The following CEP350 variants were observed in gnomAD, a reference collection of about 807,000 sequenced individuals.
CEP350 encodes centrosome-associated protein 350.
A neutral mutation model predicts 331.8 loss-of-function variants in CEP350; 126 were observed. The ratio of observed to expected loss-of-function variants is 0.38; its 90% CI spans 0.33 to 0.44. The LOEUF is 0.44. CEP350 is among the 20% of genes least tolerant of loss of function. CEP350 has a pLI of 1.00. For synonymous variants in CEP350, 1,200 were observed against 1,259.5 expected (o/e 0.95, Z 1.00); for missense variants, 3,406 against 3,634.6 (o/e 0.94, Z 1.62).
chr1:180,059,413 A>C (rs900574904), intron 25 of CEP350, among the ~76,000 whole-genome samples: 2 of 152,204 alleles, frequency 1.3e-5, no homozygotes, highest in African/African-American at 4.8e-5. Flanking sequence ...TCTTCATGCC[A>C]CTTACTTGCA....
chr1:180,050,806 T>A lies in CEP350; in HGVS notation c.4792+2101T>A, dbSNP rs561554588. Among the ~76,000 whole-genome samples, 23 of 152,194 alleles carry A rather than the reference T, an allele frequency of 1.5e-4. No individual in the cohort carries two copies. The South Asian group carries it at 4.8e-3, about 32-fold the overall frequency. ...GGCACATAGACACAGGAAAAAGTCTTCAACATCGTATATCATTAGAGAAAT... is the reference window on the plus strand; with the variant it reads ...GGCACATAGACACAGGAAAAAGTCTACAACATCGTATATCATTAGAGAAAT... On this transcript the variant is annotated intron_variant, in intron 22 of 37. Coordinates refer to ENST00000367607, the MANE Select transcript of CEP350 (RefSeq NM_014810.5).
At chr1:180,104,710 T>G (rs1323687527) in intron 37 of CEP350, among the ~76,000 whole-genome samples, 1 of 152,192 alleles carries the variant, frequency 6.6e-6, no homozygotes, top group Non-Finnish European at 1.5e-5. Flanking sequence ...AGATCTAATA[T>G]GTATTAAGTG....
rs1660288318 is a variant in CEP350, at chr1:180,093,048, G to A, written c.6943G>A (p.Val2315Ile). ...LDSENVQKDL[V>I]GLAIENLHKS... is the part of the protein sequence containing the mutation. Reference sequence around the variant, plus strand: ...TTCTGAAAATGTTCAGAAAGACCTAGTTGGATTAGCTATTGAAAATCTCCA... The same window carrying A: ...TTCTGAAAATGTTCAGAAAGACCTAATTGGATTAGCTATTGAAAATCTCCA... Residue 2315 changes from valine (V) to isoleucine (I), a missense_variant, in exon 34 of 38, where the codon GTT becomes ATT. By Grantham distance (29) the Val-to-Ile change is conservative (BLOSUM62 3). Around this residue, in one of 5 missense-constraint regions of CEP350, gnomAD observed 1,415 missense variants for 1,512.3 expected, o/e 0.94. Transcript: ENST00000367607. The A allele has an allele frequency of 2.5e-6, 4 of 1,606,240 alleles. No individual in the cohort carries two copies. The highest frequency in any genetic ancestry group is 1.3e-5 in the African/African-American group (1 of 74,832).
chr1:179,993,362 T>G (rs984493078), intron 5 of CEP350, among the ~76,000 whole-genome samples: 3 of 152,308 alleles, frequency 2.0e-5, no homozygotes, highest in African/African-American at 7.2e-5. Context: ...TTGCTCACTT[T>G]ATATTTATGT....
intron 6 of CEP350, among the ~76,000 whole-genome samples, chr1:180,001,894 A>T (rs1653888239): frequency 1.3e-5 from 2 of 152,314 alleles, no homozygotes; most frequent in African/African-American, 2.4e-5. Context: ...CTCCACTTCT[A>T]GTCTTTTTGA....
Position 180,059,536 on chromosome 1 carries a change from C to T in CEP350, c.5263-2684C>T, listed in dbSNP as rs151052981. Among the ~76,000 whole-genome samples, 534 of 151,650 alleles carry T rather than the reference C, an allele frequency of 3.5e-3. 3 individuals are homozygous for T. The highest frequency in any genetic ancestry group is 0.012 in the African/African-American group (498 of 41,378). On this transcript the variant is annotated intron_variant, in intron 25 of 37. Transcript: ENST00000367607. ...TTTTTTGTATTCTGTGTGACAGAAA[C>T]GGGAAATCCATAATCAGACATCTTT...
At chr1:180,031,001 C>A (rs1268163137) in intron 14 of CEP350, among the ~76,000 whole-genome samples, 1 of 151,756 alleles carries the variant, frequency 6.6e-6, no homozygotes, top group African/African-American at 2.4e-5. Flanking sequence ...TTAAAAAATT[C>A]TTTTTGGTTA....
chr1:180,057,924 C>T lies in CEP350; in HGVS notation c.5262+3422C>T, dbSNP rs76168288. Among the ~76,000 whole-genome samples the T allele has an allele frequency of 5.6e-3, 850 of 152,286 alleles. 5 individuals carry two copies. The highest frequency in any genetic ancestry group is 0.02 in the African/African-American group (826 of 41,560). On this transcript the variant is annotated intron_variant, in intron 25 of 37. Coordinates refer to ENST00000367607, the MANE Select transcript of CEP350 (RefSeq NM_014810.5). Reference sequence around the variant, plus strand: ...GGTTAACTCCTTAGCCCTCTATGTGCTACTTCAGAACTTGACAACTGCTTT... The same window carrying T: ...GGTTAACTCCTTAGCCCTCTATGTGTTACTTCAGAACTTGACAACTGCTTT...
intron 34 of CEP350, among the ~76,000 whole-genome samples, 154 bp downstream of exon 34, chr1:180,094,770 G>A (rs1257906518): frequency 6.6e-6 from 1 of 152,096 alleles, no homozygotes; most frequent in Non-Finnish European, 1.5e-5. Flanking sequence ...CACTGTACTG[G>A]TTTTTAAAGG....
At chr1:180,103,921 T>C (rs1660978329) in intron 37 of CEP350, among the ~76,000 whole-genome samples, 1 of 145,602 alleles carries the variant, frequency 6.9e-6, no homozygotes, top group African/African-American at 2.5e-5. Flanking sequence ...AAATTTATAT[T>C]TTATATACAA....
chr1:180,083,422 C>G (rs1242680984), intron 30 of CEP350, among the ~76,000 whole-genome samples: 1 of 152,124 alleles, frequency 6.6e-6, no homozygotes, highest in Non-Finnish European at 1.5e-5. Flanking sequence ...AAAGATTTAA[C>G]TAGCTTCATT....
chr1:180,013,720 CTG>C (rs1654798541), intron 9 of CEP350, 125 bp from the exon 10 acceptor site: 3 of 820,916 alleles, frequency 3.7e-6, no homozygotes, highest in Admixed American at 3.0e-5. Flanking sequence ...CTTCAGAAGA[CTG>C]TAAGATATTT....
rs923335035 is a variant in CEP350, at chr1:180,011,168, A to C, written c.1247-761A>C. On this transcript the variant is annotated intron_variant, in intron 8 of 37. Transcript: ENST00000367607. Reference sequence around the variant, plus strand: ...CCATTTAAAATGATTATACTTTTTAAATGTTACTGTTTTGTACATAGAAAA... The same window carrying C: ...CCATTTAAAATGATTATACTTTTTACATGTTACTGTTTTGTACATAGAAAA... Among the ~76,000 whole-genome samples the C allele has an allele frequency of 2.0e-5, 3 of 152,148 alleles. No individual in the cohort carries two copies. The South Asian group carries it at 6.2e-4, about 32-fold the overall frequency.
At position 180,030,327 on chromosome 1, in the gene CEP350, A is replaced by G. The variant is rs889764779; in HGVS notation, c.3551-993A>G. On this transcript the variant is annotated intron_variant, in intron 14 of 37. Transcript: ENST00000367607. Reference sequence around the variant, plus strand: ...TATGTGTATATATGTATATATATACATATGTGTGTATATATAAACATAATA... The same window carrying G: ...TATGTGTATATATGTATATATATACGTATGTGTGTATATATAAACATAATA... Among the ~76,000 whole-genome samples, 3 of 145,532 alleles carry G rather than the reference A, an allele frequency of 2.1e-5. No individual in the cohort carries two copies. The South Asian group carries it at 6.4e-4, about 31-fold the overall frequency.
chr1:180,032,153 T>C (rs1656068596), intron 15 of CEP350, among the ~76,000 whole-genome samples: 1 of 152,134 alleles, frequency 6.6e-6, no homozygotes, highest in Non-Finnish European at 1.5e-5. Context: ...TAACCTTCAG[T>C]TGTTGCTAGC....
intron 1 of CEP350, among the ~76,000 whole-genome samples, chr1:179,974,585 G>A (rs1253340651): frequency 6.6e-6 from 1 of 152,148 alleles, no homozygotes; most frequent in East Asian, 1.9e-4. Context: ...GTTTATGTGT[G>A]TCTCTCCTCT....
chr1:180,113,709 C>G lies in CEP350; in HGVS notation c.*2548C>G, dbSNP rs1490458333. On this transcript the variant is annotated 3_prime_UTR_variant, in exon 38 of 38. Coordinates refer to ENST00000367607, the MANE Select transcript of CEP350 (RefSeq NM_014810.5). ...GTTCCATATTGGTATCTTTTTAAAT[C>G]AGCTCTGCCTCTTAATCAAGAACCT... The G allele has an allele frequency of 6.6e-6, 1 of 152,186 alleles. No individual in the cohort carries two copies. Among genetic ancestry groups the G allele is most frequent in the Non-Finnish European group, 1.5e-5 (1 of 68,022 alleles). 9.4% of individuals were successfully genotyped at this position (152,186 alleles called of 1,614,324 possible). A position where few individuals can be genotyped will look rare whatever the true frequency, so the allele number is the denominator to read the frequency against.
intron 37 of CEP350, among the ~76,000 whole-genome samples, chr1:180,101,638 CACA>C (rs1660822249): frequency 6.6e-6 from 1 of 152,238 alleles, no homozygotes; most frequent in African/African-American, 2.4e-5. Context: ...TGTCACATCC[CACA>C]GAGTGAGTGC....
chr1:179,964,450 T>C (rs1650847053), intron 1 of CEP350, among the ~76,000 whole-genome samples: 1 of 152,092 alleles, frequency 6.6e-6, no homozygotes. Flanking sequence ...TTCAGTAAGA[T>C]TGATACCAGC....
Sources: allele counts gnomAD v4.1 joint callset (sites outside exome capture counted in the v4.1 genomes callset), GRCh38; gene constraint gnomAD v4.1.1; regional missense constraint gnomAD v4.1.1; transcripts MANE v1.5; gene names NCBI Gene and HGNC (gene_info 2026-07-23, HGNC 2026-07-21).